UNC13C: variants seen among roughly 807,000 people sequenced by gnomAD.
UNC13C encodes the protein unc-13 homolog C.
In UNC13C, 174 loss-of-function variants were observed where a neutral mutation model predicts 245.4. That is an observed-to-expected ratio of 0.71 (90% CI 0.63 to 0.80). The LOEUF (loss-of-function observed/expected upper bound fraction) is 0.80. Ranked by LOEUF, UNC13C falls within the 30% of genes least tolerant of loss-of-function variation. UNC13C has a pLI of 0.00. For missense variants in UNC13C, 2,829 were observed against 2,602.9 expected (o/e 1.09, Z -1.89); for synonymous variants, 992 against 895.1 (o/e 1.11, Z -1.93).
chr15:53,978,292 G>A (rs1219521484), upstream of UNC13C, among the ~76,000 whole-genome samples: 3 of 152,116 alleles, frequency 2.0e-5, no homozygotes, highest in Admixed American at 6.5e-5. Flanking sequence ...GGTGGTGAAG[G>A]CCACACCTGG....
chr15:54,541,368 G>T (rs776682345), intron 26 of UNC13C, among the ~76,000 whole-genome samples: 4 of 152,052 alleles, frequency 2.6e-5, no homozygotes, highest in Non-Finnish European at 5.9e-5. Flanking sequence ...GAGTCCAAAA[G>T]CATACAGAGT....
At chr15:54,062,558 G>T (rs768250570) in intron 2 of UNC13C, among the ~76,000 whole-genome samples, 5 of 152,154 alleles carry the variant, frequency 3.3e-5, no homozygotes, top group African/African-American at 4.8e-5. Flanking sequence ...TCATTATGTT[G>T]TTGAGTGTAT....
intron 4 of UNC13C, among the ~76,000 whole-genome samples, chr15:54,157,394 C>T (rs1363573936): frequency 6.6e-6 from 1 of 152,176 alleles, no homozygotes; most frequent in South Asian, 2.1e-4. Context: ...ATTATAATCG[C>T]AAGATCATTT....
At chr15:54,401,037 A>G (rs139774062) in intron 18 of UNC13C, among the ~76,000 whole-genome samples, 96 of 152,286 alleles carry the variant, frequency 6.3e-4, no homozygotes, top group African/African-American at 2.2e-3. Context: ...TTCAACATTT[A>G]TTCATTAGAA....
At chr15:54,140,142 T>C (rs1595901434) in intron 2 of UNC13C, among the ~76,000 whole-genome samples, 1 of 152,204 alleles carries the variant, frequency 6.6e-6, no homozygotes, top group East Asian at 1.9e-4. Flanking sequence ...TATTTTTACT[T>C]GTTTATTAAT....
At chr15:53,839,138 G>A in the UNC13C span, among the ~76,000 whole-genome samples, 1 of 151,826 alleles carries the variant, frequency 6.6e-6, no homozygotes, top group African/African-American at 2.4e-5. Flanking sequence ...TGTATATATG[G>A]GCAGGTGTGT....
chr15:54,222,305 AT>A (rs1356563473), intron 4 of UNC13C, among the ~76,000 whole-genome samples: 3 of 151,904 alleles, frequency 2.0e-5, no homozygotes, highest in African/African-American at 7.3e-5. Flanking sequence ...CATGAGTACA[AT>A]TGTTTTGATT....
chr15:54,597,086 T>A (rs1328661525), intron 30 of UNC13C, among the ~76,000 whole-genome samples: 2 of 152,088 alleles, frequency 1.3e-5, no homozygotes, highest in African/African-American at 4.8e-5. Context: ...CCAAAACTCA[T>A]AAGGAGTGCA....
At chr15:54,252,204 GA>G (rs890481028) in intron 8 of UNC13C, among the ~76,000 whole-genome samples, 3 of 152,022 alleles carry the variant, frequency 2.0e-5, no homozygotes, top group Non-Finnish European at 4.4e-5. Context: ...ATTCCTTAGA[GA>G]AAAAAATGAT....
chr15:54,180,018 A>G (rs1014072581), intron 4 of UNC13C, among the ~76,000 whole-genome samples: 1 of 152,016 alleles, frequency 6.6e-6, no homozygotes, highest in East Asian at 1.9e-4. Flanking sequence ...AATTTTATTG[A>G]CTTTATTTTA....
chr15:54,211,840 T>A (rs533266088), intron 4 of UNC13C, among the ~76,000 whole-genome samples: 1 of 152,160 alleles, frequency 6.6e-6, no homozygotes, highest in East Asian at 1.9e-4. Context: ...AGGACTGAGG[T>A]CAGGATGCAG....
At chr15:53,939,768 C>T in the UNC13C span, among the ~76,000 whole-genome samples, 1 of 151,910 alleles carries the variant, frequency 6.6e-6, no homozygotes, top group African/African-American at 2.4e-5. Context: ...GCAGAAAAGG[C>T]CTTCAATAAA....
In UNC13C at chr15:54,628,265, CTT is replaced by C. The variant is rs1222240049; in HGVS notation, c.*1156_*1157del. The C allele has an allele frequency of 1.3e-5, 2 of 152,062 alleles. No individual in the cohort carries two copies. The highest frequency in any genetic ancestry group is 4.8e-5 in the African/African-American group (2 of 41,426). The allele number at this position is 152,062 out of a possible 1,614,324, so 9.4% of individuals were successfully genotyped here. A position where few individuals can be genotyped will look rare whatever the true frequency, so the allele number is the denominator to read the frequency against. Reference sequence around the variant, plus strand: ...CATTTTCTGTATTGTTATGATTTGACTTTTTAGAGTCTATGCCAAAATATATG... The same window carrying C: ...CATTTTCTGTATTGTTATGATTTGACTTTAGAGTCTATGCCAAAATATATG... On this transcript the variant is annotated 3_prime_UTR_variant, in exon 33 of 33. Transcript: ENST00000260323.
chr15:54,240,920 A>G (rs1172961038), intron 7 of UNC13C, among the ~76,000 whole-genome samples: 1 of 152,186 alleles, frequency 6.6e-6, no homozygotes, highest in Non-Finnish European at 1.5e-5. Flanking sequence ...ATACATGCTT[A>G]TTGACTATCT....
intron 8 of UNC13C, among the ~76,000 whole-genome samples, chr15:54,254,197 T>A (rs978678366): frequency 6.6e-6 from 1 of 152,204 alleles, no homozygotes; most frequent in Admixed American, 6.5e-5. Flanking sequence ...CATTTTGAAA[T>A]CACATTTTAA....
chr15:54,526,524 G>C (rs898715403), intron 25 of UNC13C, among the ~76,000 whole-genome samples: 1 of 151,996 alleles, frequency 6.6e-6, no homozygotes, highest in Non-Finnish European at 1.5e-5. Flanking sequence ...GAGGTCAGGA[G>C]ATCGAGACCA....
At chr15:53,970,033 T>C in the UNC13C span, among the ~76,000 whole-genome samples, 1 of 152,070 alleles carries the variant, frequency 6.6e-6, no homozygotes, top group African/African-American at 2.4e-5. Context: ...ATTCATACTA[T>C]AGCTTGTGAC....
intron 19 of UNC13C, among the ~76,000 whole-genome samples, chr15:54,458,361 A>G (rs941760272): frequency 6.6e-6 from 1 of 152,008 alleles, no homozygotes; most frequent in Non-Finnish European, 1.5e-5. Context: ...TATATTCTGC[A>G]GTTGTTGGTT....
At chr15:54,287,759 G>A (rs1312816802) in intron 10 of UNC13C, among the ~76,000 whole-genome samples, 2 of 152,104 alleles carry the variant, frequency 1.3e-5, no homozygotes, top group African/African-American at 2.4e-5. Context: ...AACTAAAAAA[G>A]GGAAGGAGGG....
Sources: gnomAD v4.1 joint callset for allele counts (sites outside exome capture counted in the v4.1 genomes callset) on GRCh38, gnomAD v4.1.1 for gene constraint, MANE v1.5 for transcripts, NCBI Gene and HGNC (gene_info 2026-07-23, HGNC 2026-07-21) for gene names.